The following STN1 variants were observed in gnomAD, a reference collection of about 807,000 sequenced individuals.
STN1 encodes STN1 subunit of CST complex, also known as CST complex subunit STN1.
A neutral mutation model predicts 45.5 loss-of-function variants in STN1; 29 were observed. The observed-to-expected ratio is 0.64, with a 90% CI of 0.47 to 0.87. The LOEUF (loss-of-function observed/expected upper bound fraction) is 0.87, where lower values mean the gene tolerates loss of function less well. Among genes scored for constraint, STN1 ranks in the 40% least tolerant of loss-of-function variants. The pLI, the probability that STN1 is intolerant of heterozygous loss-of-function variation, is 0.00. For missense variants in STN1, 376 were observed against 441.4 expected, an observed-to-expected ratio of 0.85 and a Z score of 1.33; for synonymous variants, 148 against 159.0, an observed-to-expected ratio of 0.93 and a Z score of 0.52.
Position 103,909,426 on chromosome 10 carries a change from A to ATATATGTATATATG in STN1, c.229+1100_229+1101insCATATATACATATA, listed in dbSNP as rs1564635026. On this transcript the variant is annotated intron_variant, in intron 3 of 9. Coordinates refer to ENST00000224950, the MANE Select transcript of STN1 (RefSeq NM_024928.5). The stretch of plus-strand genomic sequence containing the variant: ...TATATATGTATATATGTATATATGT[A>ATATATGTATATATG]TATATATGTATATATATGTATATAT... Among the ~76,000 whole-genome samples, 347 of 56,988 alleles carry ATATATGTATATATG rather than the reference A, an allele frequency of 6.1e-3. 21 individuals carry two copies. Among genetic ancestry groups the ATATATGTATATATG allele is most frequent in the African/African-American group, 0.026 (331 of 12,594 alleles). 37.4% of individuals were successfully genotyped at this position (56,988 alleles called of 152,430 possible). A position where few individuals can be genotyped will look rare whatever the true frequency, so the allele number is the denominator to read the frequency against.
rs144162807 is a variant in STN1 at position 103,912,760 on chromosome 10, A to G, written c.134-2138T>C. Among the ~76,000 whole-genome samples the G allele has an allele frequency of 2.7e-3, 407 of 152,308 alleles. 1 individual carries two copies. The highest frequency in any genetic ancestry group is 4.5e-3 in the Admixed American group (69 of 15,304). The stretch of plus-strand genomic sequence containing the variant: ...GCCTCCCCAAATGCTCTATATCACT[A>G]TTTGTACACTGAGCAGAGTAAAGTT... On this transcript the variant is annotated intron_variant, in intron 2 of 9. Coordinates refer to ENST00000224950, the MANE Select transcript of STN1 (RefSeq NM_024928.5).
At chr10:103,916,187 C>T (rs1413766646) in intron 2 of STN1, among the ~76,000 whole-genome samples, 4 of 152,196 alleles carry the variant, frequency 2.6e-5, no homozygotes, top group African/African-American at 9.7e-5. Flanking sequence ...TCAAAGATCA[C>T]TGGTCCTGTT....
In STN1 at chr10:103,908,320, G is replaced by A. The variant is rs140034532; in HGVS notation, c.229+2207C>T. On this transcript the variant is annotated intron_variant, in intron 3 of 9. Transcript: ENST00000224950. Reference sequence around the variant, plus strand: ...CTCTCCCAGCAGACCCTGTGCCTTGGTGCCCAGAGGTCTGGCTGCTGGAAT... The same window carrying A: ...CTCTCCCAGCAGACCCTGTGCCTTGATGCCCAGAGGTCTGGCTGCTGGAAT... 1.0e-3 allele frequency among the ~76,000 whole-genome samples: 158 copies of A among 152,284 alleles called. 1 individual carries two copies. Among genetic ancestry groups the A allele is most frequent in the South Asian group, 9.3e-3 (45 of 4,826 alleles).
chr10:103,912,131 A>G (rs1467414751), intron 2 of STN1, among the ~76,000 whole-genome samples: 1 of 152,010 alleles, frequency 6.6e-6, no homozygotes, highest in Non-Finnish European at 1.5e-5. Flanking sequence ...TCACCCCCAA[A>G]AAGAGAGTCA....
intron 8 of STN1, 26 bp from the exon 9 acceptor site, chr10:103,889,170 G>A (rs547362907): frequency 8.6e-6 from 13 of 1,513,850 alleles, no homozygotes; most frequent in African/African-American, 1.4e-5. Flanking sequence ...AGTTGAGAGA[G>A]AGAGTGTTCT....
In STN1 at chr10:103,914,380, T is replaced by TA. The variant is rs1405300682; in HGVS notation, c.133+3081_133+3082insT. Among the ~76,000 whole-genome samples the TA allele has an allele frequency of 1.1e-4, 13 of 121,658 alleles. 1 individual carries two copies. The highest frequency in any genetic ancestry group is 4.0e-4 in the African/African-American group (13 of 32,878). 79.8% of individuals were successfully genotyped at this position (121,658 alleles called of 152,430 possible). On this transcript the variant is annotated intron_variant, in intron 2 of 9. Transcript: ENST00000224950. ...TATATATATATATATATATATTTTT[T>TA]TTTTTTTTTTTTGAGACAGGGTCTT...
chr10:103,900,237 G>T lies in STN1; in HGVS notation c.296-14C>A, dbSNP rs986074027. On this transcript the variant is annotated splice_polypyrimidine_tract_variant and intron_variant, in intron 4 of 9. Coordinates refer to ENST00000224950, the MANE Select transcript of STN1 (RefSeq NM_024928.5). ...CACTTGGAGCAGCTGTAGTTGTTTAGAGCCAGAGGGAAAGAGAAAAAGTTA... is the reference window on the plus strand; with the variant it reads ...CACTTGGAGCAGCTGTAGTTGTTTATAGCCAGAGGGAAAGAGAAAAAGTTA... 1 of 1,611,828 alleles carries T rather than the reference G, an allele frequency of 6.2e-7. No homozygotes were observed. Among genetic ancestry groups the T allele is most frequent in the Non-Finnish European group, 8.5e-7 (1 of 1,179,002 alleles).
intron 7 of STN1, among the ~76,000 whole-genome samples, chr10:103,894,457 C>T (rs1164024412): frequency 6.6e-6 from 1 of 152,110 alleles, no homozygotes; most frequent in African/African-American, 2.4e-5. Context: ...ACAGAAATGG[C>T]TCTCTGTAAA....
chr10:103,891,339 G>A (rs1843138252), intron 8 of STN1, among the ~76,000 whole-genome samples: 1 of 152,158 alleles, frequency 6.6e-6, no homozygotes, highest in South Asian at 2.1e-4. Context: ...TACTAATGTG[G>A]AAAGGTGCCT....
At chr10:103,909,510 GTATATATGTA>G (rs745708754) in intron 3 of STN1, among the ~76,000 whole-genome samples, 20 of 39,846 alleles carry the variant, frequency 5.0e-4, no homozygotes, top group Admixed American at 1.7e-3. Context: ...ATGTATATAT[GTATATATGTA>G]TATATATGTA....
chr10:103,901,066 G>A (rs1843207064), intron 4 of STN1, among the ~76,000 whole-genome samples: 1 of 152,178 alleles, frequency 6.6e-6, no homozygotes, highest in Admixed American at 6.5e-5. Flanking sequence ...AGACAAGGCT[G>A]GAGTTTGAAC....
rs1843231598 is a variant in STN1, at chr10:103,905,027, G to C, written c.295+64C>G. On this transcript the variant is annotated intron_variant, in intron 4 of 9. Coordinates refer to ENST00000224950, the MANE Select transcript of STN1 (RefSeq NM_024928.5). ...AATTTAGCCCTATAGCTGTTTTGATGAACTACATTGAGTAAAATCCATTAG... is the reference window on the plus strand; with the variant it reads ...AATTTAGCCCTATAGCTGTTTTGATCAACTACATTGAGTAAAATCCATTAG... The C allele has an allele frequency of 1.9e-5, 27 of 1,425,556 alleles. 1 individual carries two copies. The South Asian group carries it at 2.8e-4, about 15-fold the overall frequency. The allele number at this position is 1,425,556 out of a possible 1,614,324, so 88.3% of individuals were successfully genotyped here. A position where few individuals can be genotyped will look rare whatever the true frequency, so the allele number is the denominator to read the frequency against.
intron 2 of STN1, among the ~76,000 whole-genome samples, chr10:103,914,374 A>AT (rs1264013304): frequency 8.2e-5 from 8 of 97,356 alleles, no homozygotes; most frequent in Admixed American, 2.4e-4. Context: ...ATATATATAT[A>AT]TTTTTTTTTT....
chr10:103,891,689 A>G (rs1843140657), intron 8 of STN1, among the ~76,000 whole-genome samples: 1 of 152,234 alleles, frequency 6.6e-6, no homozygotes. Context: ...TTGTATATGT[A>G]TGCATCTGTA....
chr10:103,917,556 A>G lies in STN1; in HGVS notation c.39T>C (p.Pro13=), dbSNP rs866119883. The G allele has an allele frequency of 6.2e-7, 1 of 1,614,140 alleles. No homozygotes were observed. The part of the protein sequence containing the change: ...PGSSRCEEET[P]SLLWGLDPVF... The stretch of plus-strand genomic sequence containing the variant: ...CAGGATCCAAACCCCACAAGAGGGA[A>G]GGGGTCTCCTCTTCACACCGGCTGG... The change falls in exon 2 of 10, where the codon CCT becomes CCC. Residue 13 remains proline, a synonymous_variant. Transcript: ENST00000224950.
intron 3 of STN1, among the ~76,000 whole-genome samples, chr10:103,906,622 C>G (rs1432646206): frequency 6.6e-6 from 1 of 151,932 alleles, no homozygotes; most frequent in African/African-American, 2.4e-5. Flanking sequence ...GATCATGCCA[C>G]TGCACTCCAG....
intron 9 of STN1, among the ~76,000 whole-genome samples, chr10:103,887,885 C>T (rs577938041): frequency 2.0e-5 from 3 of 152,158 alleles, no homozygotes; most frequent in Admixed American, 2.0e-4. Flanking sequence ...GGCCAGGAGG[C>T]CTGCGAATAG....
Position 103,905,170 on chromosome 10 carries a change from GC to G in STN1, c.230-15del, listed in dbSNP as rs1564634267. 2 of 1,612,820 alleles carry G rather than the reference GC, an allele frequency of 1.2e-6. No homozygotes were observed. Among genetic ancestry groups the G allele is most frequent in the Non-Finnish European group, 1.7e-6 (2 of 1,178,866 alleles). ...TGCTGTCATCCACTGCAAGAGAAAA[GC>G]AAAAGGGTATAAGAGAGATTTGGGC... is the stretch of plus-strand genomic sequence containing the variant. On this transcript the variant is annotated splice_polypyrimidine_tract_variant and intron_variant, in intron 3 of 9. Transcript: ENST00000224950.
At chr10:103,908,902 G>C (rs1298953806) in intron 3 of STN1, among the ~76,000 whole-genome samples, 3 of 143,790 alleles carry the variant, frequency 2.1e-5, no homozygotes, top group African/African-American at 7.8e-5. Context: ...TTTTTTTTTT[G>C]GTGGGTGGGG....
Sources: allele counts gnomAD v4.1 joint callset (sites outside exome capture counted in the v4.1 genomes callset), GRCh38; gene constraint gnomAD v4.1.1; transcripts MANE v1.5; gene names NCBI Gene and HGNC (gene_info 2026-07-23, HGNC 2026-07-21).